The following PKHD1 variants were observed in gnomAD, a reference collection of about 807,000 sequenced individuals.
The protein encoded by PKHD1 is PKHD1 ciliary IPT domain containing fibrocystin/polyductin, also known as fibrocystin.
In PKHD1, 291 loss-of-function variants were observed where a neutral mutation model predicts 412.0. The ratio of observed to expected loss-of-function variants is 0.71; its 90% CI spans 0.64 to 0.78. The LOEUF (loss-of-function observed/expected upper bound fraction) is 0.78. Ranked by LOEUF, PKHD1 falls within the 30% of genes least tolerant of loss-of-function variation. The pLI is 0.00. For missense variants in PKHD1, 4,825 were observed against 4,950.7 expected, an observed-to-expected ratio of 0.97 and a Z score of 0.76; for synonymous variants, 1,777 against 1,821.5, an observed-to-expected ratio of 0.98 and a Z score of 0.62.
intron 60 of PKHD1, among the ~76,000 whole-genome samples, chr6:51,737,761 AG>A (rs1438432627): frequency 6.6e-6 from 1 of 151,858 alleles, no homozygotes; most frequent in African/African-American, 2.4e-5. Context: ...TTTAACTCAA[AG>A]GTCTGGACTT....
intron 37 of PKHD1, among the ~76,000 whole-genome samples, chr6:51,923,149 G>A (rs890885172): frequency 6.6e-6 from 1 of 152,130 alleles, no homozygotes; most frequent in Non-Finnish European, 1.5e-5. Flanking sequence ...ATACATGGGT[G>A]TCATTTTTTA....
At position 51,725,251 on chromosome 6, in the gene PKHD1, G is replaced by A. The variant is rs539111620; in HGVS notation, c.10156+19134C>T. Among the ~76,000 whole-genome samples, 14 of 152,258 alleles carry A rather than the reference G, an allele frequency of 9.2e-5. No individual in the cohort carries two copies. In the East Asian group the frequency reaches 9.7e-4, roughly 10 times the overall value. ...CAGTGTGGGACCATGTAAAACCTAC[G>A]TATCTGGAATAAGGCCTCTGGATCT... is the stretch of plus-strand genomic sequence containing the variant. On this transcript the variant is annotated intron_variant, in intron 60 of 66. Transcript: ENST00000371117.
chr6:52,026,321 C>G (rs1011855698), intron 31 of PKHD1, 140 bp from the exon 32 acceptor site: 1 of 780,530 alleles, frequency 1.3e-6, no homozygotes, highest in African/African-American at 1.7e-5. Context: ...TTCTCACCCC[C>G]ACCAAAGCTA....
Position 51,883,122 on chromosome 6 carries a change from T to A in PKHD1, c.7321A>T (p.Ser2441Cys). ...TGGGCAAAATGACCAAGTAATAAGC[T>A]GTCAGTAACTGAAGTATTTGCATCA... ...ESDANTSVTD[S>C]LLLGHFAHKG... Residue 2441 changes from serine to cysteine, a missense_variant, in exon 46 of 67, where the codon AGC becomes TGC. Transcript: ENST00000371117. 1.2e-6 allele frequency: 2 copies of A among 1,613,230 alleles called. No individual in the cohort carries two copies. The highest frequency in any genetic ancestry group is 1.7e-6 in the Non-Finnish European group (2 of 1,179,264).
At chr6:51,855,768 A>T (rs1773189922) in intron 49 of PKHD1, 125 bp downstream of exon 49, 1 of 799,374 alleles carries the variant, frequency 1.3e-6, no homozygotes, top group African/African-American at 1.7e-5. Context: ...CTTTATCTGC[A>T]TCAGAATATG....
At chr6:51,813,066 T>C (rs1326593) in intron 52 of PKHD1, among the ~76,000 whole-genome samples, 141,977 of 152,202 alleles carry the variant, frequency 0.93, 67,050 homozygotes, top group East Asian at 1. Context: ...ATTGATGTCT[T>C]ATGTCTCCCT....
chr6:51,777,377 A>G (rs1791202869), intron 53 of PKHD1, among the ~76,000 whole-genome samples: 1 of 152,150 alleles, frequency 6.6e-6, no homozygotes, highest in South Asian at 2.1e-4. Context: ...CAGACAGGTA[A>G]GTAAATCTGC....
At position 52,060,232 on chromosome 6, in the gene PKHD1, A is replaced by G. The variant is rs12208725; in HGVS notation, c.1119-190T>C. Among the ~76,000 whole-genome samples, 3,915 of 152,336 alleles carry G rather than the reference A, an allele frequency of 0.026. 80 individuals are homozygous for G. Among genetic ancestry groups the G allele is most frequent in the South Asian group, 0.084 (406 of 4,826 alleles). ...CTGCCTAGTCTCAGTAGCCCAATAC[A>G]TCTCTACACTGGACACAAATACCCT... On this transcript the variant is annotated intron_variant, in intron 14 of 66. Transcript: ENST00000371117.
rs752084836 is a variant in PKHD1, at chr6:52,043,115, C to T, written c.2841G>A (p.Met947Ile). 11 of 1,612,792 alleles carry T rather than the reference C, an allele frequency of 6.8e-6. No individual in the cohort carries two copies. The highest frequency in any genetic ancestry group is 1.7e-5 in the Admixed American group (1 of 59,946). ...AGAAACCAGTTCCGGTAATGTAAAT[C>T]ATTAGGTTGATGTCACCATCTTAAA... ...WYSIDGDINL[M>I]IYITGTGFSG... Residue 947 changes from methionine (M) to isoleucine (I), a missense_variant, in exon 27 of 67, where the codon ATG becomes ATA. Physicochemically the swap from Met to Ile is conservative, Grantham distance 10. Transcript: ENST00000371117.
At chr6:51,748,780 T>TC in intron 57 of PKHD1, 115 bp from the exon 58 acceptor site, 1 of 841,384 alleles carries the variant, frequency 1.2e-6, no homozygotes, top group Non-Finnish European at 2.0e-6. Context: ...AAGTTTATTC[T>TC]CAACACCAAC....
rs143822359 is a variant in PKHD1 at position 51,992,347 on chromosome 6, C to A, written c.5751+17962G>T. On this transcript the variant is annotated intron_variant, in intron 35 of 66. Coordinates refer to ENST00000371117, the MANE Select transcript of PKHD1 (RefSeq NM_138694.4). ...TGTTTTTCTTTCCATTTTTCTCAAT[C>A]TTCCCAAAACAGCGATTACATACTT... 4.1e-3 allele frequency among the ~76,000 whole-genome samples: 618 copies of A among 152,248 alleles called. 5 individuals carry two copies. The highest frequency in any genetic ancestry group is 0.014 in the African/African-American group (594 of 41,538).
rs150413765 is a variant in PKHD1, at chr6:52,002,084, A to C, written c.5751+8225T>G. ...ATTAACAGACTCAGTGAAGTTAAGAAAATTTGCCCAAAGTTATATAACAAG... is the reference window on the plus strand; with the variant it reads ...ATTAACAGACTCAGTGAAGTTAAGACAATTTGCCCAAAGTTATATAACAAG... On this transcript the variant is annotated intron_variant, in intron 35 of 66. Coordinates refer to ENST00000371117, the MANE Select transcript of PKHD1 (RefSeq NM_138694.4). Among the ~76,000 whole-genome samples the C allele has an allele frequency of 4.4e-3, 670 of 152,330 alleles. 5 individuals carry two copies. The highest frequency in any genetic ancestry group is 0.016 in the African/African-American group (646 of 41,572).
chr6:51,867,836 C>T, intron 48 of PKHD1, 27 bp downstream of exon 48: 1 of 1,608,552 alleles, frequency 6.2e-7, no homozygotes, highest in East Asian at 2.2e-5. Context: ...CATCGGCAAG[C>T]TAAAAAGTAT....
intron 28 of PKHD1, 133 bp downstream of exon 28, chr6:52,035,458 C>G: frequency 1.1e-6 from 1 of 913,410 alleles, no homozygotes; most frequent in African/African-American, 1.6e-5. Flanking sequence ...GACAATATAA[C>G]TACTACAAGC....
chr6:51,979,944 G>T (rs533946826), intron 35 of PKHD1, among the ~76,000 whole-genome samples: 2 of 152,280 alleles, frequency 1.3e-5, no homozygotes, highest in Non-Finnish European at 2.9e-5. Flanking sequence ...TTCTCTCAGT[G>T]CTGCCCTGCG....
intron 54 of PKHD1, among the ~76,000 whole-genome samples, chr6:51,773,792 CA>C (rs777506069): frequency 7.6e-5 from 11 of 144,378 alleles, no homozygotes; most frequent in South Asian, 2.1e-4. Context: ...TGATAAGGAC[CA>C]AAAAAAAAAT....
At position 51,616,527 on chromosome 6, in the gene PKHD1, ATTT is replaced by A. The variant is rs113144792; in HGVS notation, c.*2551_*2553del. 4.9e-4 allele frequency: 175 copies of A among 360,078 alleles called. No homozygotes were observed. Among genetic ancestry groups the A allele is most frequent in the Middle Eastern group, 7.0e-4 (1 of 1,424 alleles). The allele number at this position is 360,078 out of a possible 1,614,324, so 22.3% of individuals were successfully genotyped here. A position where few individuals can be genotyped will look rare whatever the true frequency, so the allele number is the denominator to read the frequency against. ...CTTTTGGTGTTTCCCTAATTCTCTC[ATTT>A]TTTTTTTTTTTTAGGAGAAAGAGGA... On this transcript the variant is annotated 3_prime_UTR_variant, in exon 67 of 67. Coordinates refer to ENST00000371117, the MANE Select transcript of PKHD1 (RefSeq NM_138694.4).
intron 36 of PKHD1, among the ~76,000 whole-genome samples, chr6:51,941,877 C>T (rs2499466): frequency 2.0e-5 from 3 of 149,866 alleles, no homozygotes; most frequent in East Asian, 2.0e-4. Context: ...CTGCCGCAAG[C>T]CTTCACAGAC....
In PKHD1 at chr6:52,053,962, G is replaced by T. The variant is rs912311433; in HGVS notation, c.1964+76C>A. ...AAATATAAGACCATTAGTGCCTGAG[G>T]TGGGTAACTGTCCCCAAAACAGTGA... On this transcript the variant is annotated intron_variant, in intron 20 of 66. Coordinates refer to ENST00000371117, the MANE Select transcript of PKHD1 (RefSeq NM_138694.4). 8.3e-6 allele frequency: 12 copies of T among 1,453,486 alleles called. No homozygotes were observed. The African/African-American group carries it at 1.7e-4, about 20-fold the overall frequency. 90.0% of individuals were successfully genotyped at this position (1,453,486 alleles called of 1,614,324 possible). A position where few individuals can be genotyped will look rare whatever the true frequency, so the allele number is the denominator to read the frequency against.
Sources: gnomAD v4.1 joint callset for allele counts (sites outside exome capture counted in the v4.1 genomes callset) on GRCh38, gnomAD v4.1.1 for gene constraint, MANE v1.5 for transcripts, NCBI Gene and HGNC (gene_info 2026-07-23, HGNC 2026-07-21) for gene names.